Variants in TPRG1 observed in about 807,000 individuals in gnomAD.
TPRG1 encodes tumor protein p63 regulated 1.
Under a neutral mutation model 29.3 loss-of-function variants are expected in TPRG1, and 29 were observed. The ratio of observed to expected loss-of-function variants is 0.99; its 90% CI spans 0.74 to 1.35. TPRG1 has a LOEUF of 1.35. TPRG1 is among the 40% of genes most tolerant of loss of function. TPRG1 has a pLI of 0.00. For missense variants in TPRG1, 327 were observed against 335.0 expected, an observed-to-expected ratio of 0.98 and a Z score of 0.19; for synonymous variants, 130 against 116.8, an observed-to-expected ratio of 1.11 and a Z score of -0.73.
At chr3:189,241,712 TG>T (rs1312987464) in intron 4 of TPRG1, among the ~76,000 whole-genome samples, 1 of 152,164 alleles carries the variant, frequency 6.6e-6, no homozygotes, top group Non-Finnish European at 1.5e-5. Context: ...TCATGGGGGC[TG>T]GTCTTTCCAG....
At chr3:189,106,614 G>T (rs1374873997) in intron 1 of TPRG1, among the ~76,000 whole-genome samples, 2 of 152,102 alleles carry the variant, frequency 1.3e-5, no homozygotes, top group Non-Finnish European at 2.9e-5. Flanking sequence ...GCTGGTTTGT[G>T]TTGGTTGTTC....
chr3:189,139,543 G>C (rs557044752), intron 3 of TPRG1, among the ~76,000 whole-genome samples: 12 of 152,184 alleles, frequency 7.9e-5, no homozygotes, highest in African/African-American at 2.9e-4. Flanking sequence ...AGCCGAGCTC[G>C]TATTCATAAT....
chr3:189,012,731 A>G (rs1270332316), intron 3 of TPRG1, among the ~76,000 whole-genome samples: 1 of 152,118 alleles, frequency 6.6e-6, no homozygotes. Flanking sequence ...GGGAGGGTGT[A>G]TATGTCCAGC....
At chr3:189,243,056 G>C (rs968974489) in intron 4 of TPRG1, among the ~76,000 whole-genome samples, 1 of 151,528 alleles carries the variant, frequency 6.6e-6, no homozygotes, top group African/African-American at 2.4e-5. Flanking sequence ...TCTCTCATTG[G>C]TATAAAGAAA....
chr3:189,074,170 G>GT (rs563050373), intron 4 of TPRG1, among the ~76,000 whole-genome samples: 28 of 99,640 alleles, frequency 2.8e-4, no homozygotes, highest in Non-Finnish European at 5.6e-4. Context: ...GGCGTTTGGA[G>GT]TTTTTTTTAA....
chr3:189,049,841 C>T (rs60720643), intron 4 of TPRG1, among the ~76,000 whole-genome samples: 160 of 152,318 alleles, frequency 1.1e-3, no homozygotes, highest in African/African-American at 3.5e-3. Flanking sequence ...AGACAACCCC[C>T]AGTACCAGCC....
chr3:189,119,011 G>T (rs1721514514), intron 1 of TPRG1, among the ~76,000 whole-genome samples: 1 of 152,226 alleles, frequency 6.6e-6, no homozygotes, highest in Admixed American at 6.5e-5. Context: ...TGCACTGTGT[G>T]CCTGGAAAAG....
chr3:189,078,109 C>CTT (rs1220451271), intron 4 of TPRG1, among the ~76,000 whole-genome samples: 1 of 135,342 alleles, frequency 7.4e-6, no homozygotes, highest in Non-Finnish European at 1.6e-5. Context: ...TTCTTTCTTT[C>CTT]TTTCTTTCTT....
chr3:189,188,936 T>C (rs1731312642), intron 1 of TPRG1, among the ~76,000 whole-genome samples: 1 of 152,242 alleles, frequency 6.6e-6, no homozygotes, highest in Non-Finnish European at 1.5e-5. Context: ...TCCTGACTTT[T>C]ACTTTTGGAG....
intron 4 of TPRG1, among the ~76,000 whole-genome samples, chr3:189,061,967 C>T (rs1260645321): frequency 6.6e-6 from 1 of 152,108 alleles, no homozygotes; most frequent in Non-Finnish European, 1.5e-5. Context: ...AATCATTCTA[C>T]CATAAAGACA....
chr3:189,182,953 A>G (rs1278224306), intron 1 of TPRG1, among the ~76,000 whole-genome samples: 1 of 152,194 alleles, frequency 6.6e-6, no homozygotes, highest in Non-Finnish European at 1.5e-5. Flanking sequence ...TTGTGGTGAG[A>G]ACATGTAAGA....
intron 4 of TPRG1, among the ~76,000 whole-genome samples, chr3:189,301,842 C>T: frequency 6.6e-6 from 1 of 152,188 alleles, no homozygotes; most frequent in South Asian, 2.1e-4. Flanking sequence ...ACCCTACTGA[C>T]TCCTCAGTGA....
chr3:189,281,067 C>T (rs745866276), intron 4 of TPRG1, among the ~76,000 whole-genome samples: 1 of 152,208 alleles, frequency 6.6e-6, no homozygotes, highest in African/African-American at 2.4e-5. Context: ...TGTTATAGGA[C>T]TTGCCATCAA....
At chr3:189,307,087 A>T (rs1000360641) in intron 4 of TPRG1, among the ~76,000 whole-genome samples, 4 of 152,124 alleles carry the variant, frequency 2.6e-5, no homozygotes, top group African/African-American at 9.7e-5. Context: ...CAGTGGCATG[A>T]TCTTGGCTCA....
intron 3 of TPRG1, among the ~76,000 whole-genome samples, chr3:189,224,780 A>G (rs1737458294): frequency 6.6e-6 from 1 of 152,104 alleles, no homozygotes; most frequent in Non-Finnish European, 1.5e-5. Context: ...TGCCTTCAGA[A>G]AGGCTGTGTG....
rs542464552 is a variant in TPRG1 at position 189,102,969 on chromosome 3, C to A, written c.-744+2765C>A. Among the ~76,000 whole-genome samples, 3 of 152,288 alleles carry A rather than the reference C, an allele frequency of 2.0e-5. No individual in the cohort carries two copies. In the South Asian group the frequency reaches 6.2e-4, roughly 32 times the overall value. On this transcript the variant is annotated intron_variant, in intron 1 of 6. Coordinates refer to the TPRG1 transcript ENST00000412373. Reference sequence around the variant, plus strand: ...TAACTTCCTCTTAAACTTGTCTCAGCTCAGGTGTCATCTTTTGCAGAAATA... The same window carrying A: ...TAACTTCCTCTTAAACTTGTCTCAGATCAGGTGTCATCTTTTGCAGAAATA...
At chr3:189,192,361 T>C (rs1234771933) in intron 1 of TPRG1, among the ~76,000 whole-genome samples, 1 of 152,212 alleles carries the variant, frequency 6.6e-6, no homozygotes, top group Admixed American at 6.5e-5. Context: ...TAATACATAA[T>C]GAATGCTTTC....
chr3:189,166,769 G>A (rs1728215969), intron 5 of TPRG1, among the ~76,000 whole-genome samples: 1 of 152,110 alleles, frequency 6.6e-6, no homozygotes, highest in African/African-American at 2.4e-5. Context: ...CAAGCTGTTA[G>A]GAGAAGAACT....
chr3:189,111,582 C>G (rs186245668), intron 1 of TPRG1, among the ~76,000 whole-genome samples: 1 of 152,244 alleles, frequency 6.6e-6, no homozygotes, highest in Non-Finnish European at 1.5e-5. Flanking sequence ...CAGGGACCAT[C>G]TGCTATGTTG....
Sources: allele counts gnomAD v4.1 joint callset (sites outside exome capture counted in the v4.1 genomes callset), GRCh38; gene constraint gnomAD v4.1.1; transcripts MANE v1.5; gene names NCBI Gene and HGNC (gene_info 2026-07-23, HGNC 2026-07-21).